KCNQ3: variants seen among roughly 807,000 people sequenced by gnomAD.
The protein encoded by KCNQ3 is potassium voltage-gated channel subfamily Q member 3.
Under a neutral mutation model 92.5 loss-of-function variants are expected in KCNQ3, and 30 were observed. That is an observed-to-expected ratio of 0.32 (90% confidence interval 0.24 to 0.44). The LOEUF is 0.44. Ranked by LOEUF, KCNQ3 falls within the 20% of genes least tolerant of loss-of-function variation. KCNQ3 has a pLI of 1.00. For missense variants in KCNQ3, 913 were observed against 1,140.3 expected (o/e 0.80, Z 2.87); for synonymous variants, 450 against 468.8 (o/e 0.96, Z 0.52).
chr8:132,426,320 G>A (rs1393057638), intron 1 of KCNQ3, among the ~76,000 whole-genome samples: 1 of 152,208 alleles, frequency 6.6e-6, no homozygotes, highest in African/African-American at 2.4e-5. Context: ...CATGACACCG[G>A]CCATGGTTCC....
At chr8:132,315,293 T>A (rs1353663039) in intron 1 of KCNQ3, among the ~76,000 whole-genome samples, 1 of 151,702 alleles carries the variant, frequency 6.6e-6, no homozygotes, top group African/African-American at 2.4e-5. Flanking sequence ...CTGGTAAAAG[T>A]GGAGTGTGAG....
At chr8:132,315,013 G>C (rs1286995237) in intron 1 of KCNQ3, among the ~76,000 whole-genome samples, 1 of 152,246 alleles carries the variant, frequency 6.6e-6, no homozygotes, top group Non-Finnish European at 1.5e-5. Context: ...ATTGGACCTA[G>C]TTATGAACTT....
At position 132,480,428 on chromosome 8, in the gene KCNQ3, C is replaced by G. The variant is rs773623235; in HGVS notation, c.105G>C (p.Ala35=). The G allele has an allele frequency of 2.0e-6, 3 of 1,465,096 alleles. No individual in the cohort carries two copies. The highest frequency in any genetic ancestry group is 2.7e-6 in the Non-Finnish European group (3 of 1,112,060). 90.8% of individuals were successfully genotyped at this position (1,465,096 alleles called of 1,614,324 possible). A position where few individuals can be genotyped will look rare whatever the true frequency, so the allele number is the denominator to read the frequency against. The part of the protein sequence containing the change: ...AANPAGGDAA[A]AGDEERKVGL... ...CCACTTTCCGCTCCTCGTCGCCGGC[C>G]GCCGCCGCGTCCCCTCCGGCTGGGT... The change falls in exon 1 of 15, where the codon GCG becomes GCC. Residue 35 remains alanine, a synonymous_variant. Transcript: ENST00000388996.
chr8:132,167,225 AG>A (rs2130094316), intron 8 of KCNQ3, among the ~76,000 whole-genome samples: 1 of 152,368 alleles, frequency 6.6e-6, no homozygotes, highest in East Asian at 1.9e-4. Flanking sequence ...CGTTCAGGAT[AG>A]GTGAAAGAAA....
At chr8:132,381,638 T>C (rs993910366) in intron 1 of KCNQ3, among the ~76,000 whole-genome samples, 5 of 152,204 alleles carry the variant, frequency 3.3e-5, no homozygotes, top group African/African-American at 9.7e-5. Flanking sequence ...GCACCTACTA[T>C]TGCCAGGCAC....
At chr8:132,247,924 C>G (rs144362765) in intron 1 of KCNQ3, among the ~76,000 whole-genome samples, 2 of 152,032 alleles carry the variant, frequency 1.3e-5, no homozygotes, top group African/African-American at 4.8e-5. Flanking sequence ...AAGCACTTGA[C>G]GAATGTTAGC....
chr8:132,378,566 C>A (rs1819668984), intron 1 of KCNQ3, among the ~76,000 whole-genome samples: 1 of 152,184 alleles, frequency 6.6e-6, no homozygotes, highest in Admixed American at 6.5e-5. Flanking sequence ...TATACTAAGA[C>A]AGATACTCTT....
At chr8:132,241,490 C>A (rs62520361) in intron 1 of KCNQ3, among the ~76,000 whole-genome samples, 4,971 of 152,138 alleles carry the variant, frequency 0.033, 124 homozygotes, top group Non-Finnish European at 0.049. Context: ...CTCTGTCTCC[C>A]AGGTTCTCCT....
chr8:132,139,752 T>G (rs1455550545), intron 11 of KCNQ3, among the ~76,000 whole-genome samples: 1 of 152,096 alleles, frequency 6.6e-6, no homozygotes, highest in Non-Finnish European at 1.5e-5. Context: ...AAGAAAACCC[T>G]CCACTCTGAC....
intron 1 of KCNQ3, among the ~76,000 whole-genome samples, chr8:132,370,190 C>T (rs1819436716): frequency 6.6e-6 from 1 of 152,144 alleles, no homozygotes; most frequent in African/African-American, 2.4e-5. Flanking sequence ...ACAGGAAGCA[C>T]TCAATAAATA....
chr8:132,417,033 A>G (rs898628220), intron 1 of KCNQ3, among the ~76,000 whole-genome samples: 9 of 152,206 alleles, frequency 5.9e-5, no homozygotes, highest in African/African-American at 2.2e-4. Context: ...AGCCACCACC[A>G]TTATTGGGTC....
At chr8:132,227,171 T>C (rs563800437) in intron 1 of KCNQ3, among the ~76,000 whole-genome samples, 1 of 151,328 alleles carries the variant, frequency 6.6e-6, no homozygotes, top group East Asian at 2.0e-4. Context: ...CAACTGATTC[T>C]CCTGGCTCAG....
At chr8:132,293,429 T>C (rs1383662650) in intron 1 of KCNQ3, among the ~76,000 whole-genome samples, 1 of 152,142 alleles carries the variant, frequency 6.6e-6, no homozygotes, top group Non-Finnish European at 1.5e-5. Flanking sequence ...GTCTGCTGCC[T>C]GGTGTACAGT....
rs146191642 is a variant in KCNQ3 at position 132,253,750 on chromosome 8, C to T, written c.387-67569G>A. Among the ~76,000 whole-genome samples the T allele has an allele frequency of 4.0e-4, 61 of 152,318 alleles. No homozygotes were observed. The East Asian group carries it at 6.0e-3, about 15-fold the overall frequency. ...AGTTTTCTCTTGGATTCGTCTTCACCGGTACTAATAGCACACAGCACTCAG... is the reference window on the plus strand; with the variant it reads ...AGTTTTCTCTTGGATTCGTCTTCACTGGTACTAATAGCACACAGCACTCAG... On this transcript the variant is annotated intron_variant, in intron 1 of 14. Transcript: ENST00000388996.
intron 1 of KCNQ3, among the ~76,000 whole-genome samples, chr8:132,372,115 T>C (rs1819487951): frequency 6.6e-6 from 1 of 152,154 alleles, no homozygotes; most frequent in Admixed American, 6.5e-5. Flanking sequence ...TGCTTCCTCT[T>C]GCAGCCCCAT....
At chr8:132,198,464 G>A (rs149827680) in intron 1 of KCNQ3, among the ~76,000 whole-genome samples, 106 of 152,318 alleles carry the variant, frequency 7.0e-4, no homozygotes, top group East Asian at 2.3e-3. Flanking sequence ...GCTTAGCAAC[G>A]TGATGATATT....
At chr8:132,163,641 A>G (rs1033399846) in intron 8 of KCNQ3, 147 bp from the exon 9 acceptor site, 3 of 757,306 alleles carry the variant, frequency 4.0e-6, no homozygotes, top group Non-Finnish European at 7.0e-6. Flanking sequence ...GAGGGAACCA[A>G]TGAAGGAGGC....
chr8:132,250,829 C>T (rs1377814390), intron 1 of KCNQ3, among the ~76,000 whole-genome samples: 1 of 152,090 alleles, frequency 6.6e-6, no homozygotes, highest in Non-Finnish European at 1.5e-5. Flanking sequence ...TGATCTCAAG[C>T]TCTCCCCTAC....
At chr8:132,384,722 T>C (rs1205806374) in intron 1 of KCNQ3, among the ~76,000 whole-genome samples, 1 of 152,220 alleles carries the variant, frequency 6.6e-6, no homozygotes, top group Non-Finnish European at 1.5e-5. Context: ...ACTCATAACT[T>C]TCTGATCGAT....
Sources: allele counts gnomAD v4.1 joint callset (sites outside exome capture counted in the v4.1 genomes callset), GRCh38; gene constraint gnomAD v4.1.1; transcripts MANE v1.5; gene names NCBI Gene and HGNC (gene_info 2026-07-23, HGNC 2026-07-21).